The following C19orf12 variants were observed in gnomAD, a reference collection of about 807,000 sequenced individuals.
The protein encoded by C19orf12 is chromosome 19 open reading frame 12.
A neutral mutation model predicts 3.8 loss-of-function variants in C19orf12; 2 were observed. The observed-to-expected ratio is 0.53, with a 90% CI of 0.22 to 1.66. The LOEUF (loss-of-function observed/expected upper bound fraction) is 1.66, where lower values mean the gene tolerates loss of function less well. Among genes scored for constraint, C19orf12 ranks in the 40% most tolerant of loss-of-function variants. The pLI, the probability that C19orf12 is intolerant of heterozygous loss-of-function variation, is 0.20. For synonymous variants in C19orf12, 89 were observed against 84.6 expected, an observed-to-expected ratio of 1.05 and a Z score of -0.28; for missense variants, 156 against 188.8, an observed-to-expected ratio of 0.83 and a Z score of 1.02.
rs549800184 is a variant in C19orf12, at chr19:29,700,893, C to T, written c.*1819G>A. On this transcript the variant is annotated 3_prime_UTR_variant, in exon 3 of 3. Transcript: ENST00000323670. ...GGGCCTGAGAGGAGAGCCCCAAGTCCCTGCCCTGCCCCAGGACCTGGGGAC... is the reference window on the plus strand; with the variant it reads ...GGGCCTGAGAGGAGAGCCCCAAGTCTCTGCCCTGCCCCAGGACCTGGGGAC... The T allele has an allele frequency of 1.1e-5, 5 of 454,120 alleles. No individual in the cohort carries two copies. The highest frequency in any genetic ancestry group is 8.0e-5 in the African/African-American group (4 of 50,134). 28.1% of individuals were successfully genotyped at this position (454,120 alleles called of 1,614,324 possible). A position where few individuals can be genotyped will look rare whatever the true frequency, so the allele number is the denominator to read the frequency against.
chr19:29,714,841 G>T, intron 1 of C19orf12: 1 of 305,998 alleles, frequency 3.3e-6, no homozygotes. Context: ...CCACACCCAT[G>T]CCTACGCCAC....
chr19:29,712,976 ATGT>A (rs1195142671), intron 1 of C19orf12, among the ~76,000 whole-genome samples: 1 of 152,216 alleles, frequency 6.6e-6, no homozygotes, highest in Admixed American at 6.5e-5. Flanking sequence ...ACGGGTAGAG[ATGT>A]TGTGGCTGAC....
intron 2 of C19orf12, chr19:29,705,300 A>C (rs1240410957): frequency 2.2e-6 from 1 of 445,102 alleles, no homozygotes; most frequent in East Asian, 7.0e-5. Context: ...AAAACTATCA[A>C]GGCTGTGAAC....
At position 29,701,441 on chromosome 19, in the gene C19orf12, C is replaced by T. The variant is rs1447346276; in HGVS notation, c.*1271G>A. ...ATATAAATGCTATGTAAATATGCTACACCATATTGTTTAGGGAATAATGGC... is the reference window on the plus strand; with the variant it reads ...ATATAAATGCTATGTAAATATGCTATACCATATTGTTTAGGGAATAATGGC... On this transcript the variant is annotated 3_prime_UTR_variant, in exon 3 of 3. Coordinates refer to ENST00000323670, the MANE Select transcript of C19orf12 (RefSeq NM_031448.6). 2 of 454,014 alleles carry T rather than the reference C, an allele frequency of 4.4e-6. No homozygotes were observed. The highest frequency in any genetic ancestry group is 4.0e-5 in the African/African-American group (2 of 50,012). 28.1% of individuals were successfully genotyped at this position (454,014 alleles called of 1,614,324 possible). A position where few individuals can be genotyped will look rare whatever the true frequency, so the allele number is the denominator to read the frequency against.
rs1447953357 is a variant in C19orf12, at chr19:29,699,845, C to T, written c.*2867G>A. On this transcript the variant is annotated 3_prime_UTR_variant, in exon 3 of 3. Coordinates refer to ENST00000323670, the MANE Select transcript of C19orf12 (RefSeq NM_031448.6). ...TTATTCAAAAATAAATAAATTTCTACAAAGAAGATACAGATATATAAATAC... is the reference window on the plus strand; with the variant it reads ...TTATTCAAAAATAAATAAATTTCTATAAAGAAGATACAGATATATAAATAC... 2 of 450,668 alleles carry T rather than the reference C, an allele frequency of 4.4e-6. No homozygotes were observed. The highest frequency in any genetic ancestry group is 2.4e-5 in the Admixed American group (1 of 41,750). 27.9% of individuals were successfully genotyped at this position (450,668 alleles called of 1,614,324 possible).
At position 29,702,972 on chromosome 19, in the gene C19orf12, C is replaced by G; in HGVS notation, c.166G>C (p.Ala56Pro). 1.2e-6 allele frequency: 2 copies of G among 1,613,854 alleles called. No individual in the cohort carries two copies. The highest frequency in any genetic ancestry group is 2.2e-5 in the East Asian group (1 of 44,870). ...GGPPGLAVGG[A>P]VGGLLGAWMT... is the part of the protein sequence containing the mutation. ...CAGGCACCTAACAGCCCCCCGACAG[C>G]CCCCCCTAGAAAACATGGAATCGTT... Residue 56 changes from alanine to proline, a missense_variant, in exon 3 of 3, where the codon GCT becomes CCT. Ala to Pro is a conservative substitution (Grantham distance 27). Transcript: ENST00000323670.
At chr19:29,705,445 G>C (rs1972325819) in intron 2 of C19orf12, 1 of 316,138 alleles carries the variant, frequency 3.2e-6, no homozygotes, top group South Asian at 2.5e-5. Context: ...GCAGAAACTG[G>C]TGAAACCCAA....
intron 1 of C19orf12, among the ~76,000 whole-genome samples, chr19:29,710,696 T>C (rs1009177500): frequency 6.6e-5 from 10 of 152,176 alleles, no homozygotes; most frequent in African/African-American, 2.4e-4. Flanking sequence ...CACTCAGGCC[T>C]GGGGGTCCCT....
upstream of C19orf12, chr19:29,715,304 C>G (rs964086845): frequency 1.8e-5 from 7 of 393,788 alleles, no homozygotes; most frequent in Non-Finnish European, 3.5e-5. Flanking sequence ...CCGGGCCTTC[C>G]GGGAAGCCAC....
chr19:29,702,851 A>C lies in C19orf12; in HGVS notation c.287T>G (p.Ile96Ser). Residue 96 changes from isoleucine (I) to serine (S), a missense_variant, in exon 3 of 3, where the codon ATC (isoleucine) becomes AGC (serine). By Grantham distance (142) the Ile-to-Ser change is moderately radical. Transcript: ENST00000323670. ...QRLFNEAAAI[I>S]RHLEWTDAVQ... ...GGCGTCCGTCCACTCCAGGTGCCTG[A>C]TGATGGCTGCGGCTTCGTTAAAGAG... 1.2e-6 allele frequency: 2 copies of C among 1,614,144 alleles called. No individual in the cohort carries two copies. The highest frequency in any genetic ancestry group is 1.7e-6 in the Non-Finnish European group (2 of 1,180,006).
chr19:29,707,849 T>C (rs1268802388), intron 2 of C19orf12, among the ~76,000 whole-genome samples: 1 of 151,660 alleles, frequency 6.6e-6, no homozygotes, highest in East Asian at 1.9e-4. Flanking sequence ...TCTCCCTGTG[T>C]TTCTTTTCTT....
At chr19:29,703,378 C>CTTTTTTTTTT (rs1165470646) in intron 2 of C19orf12, among the ~76,000 whole-genome samples, 26 of 128,378 alleles carry the variant, frequency 2.0e-4, no homozygotes, top group African/African-American at 4.8e-4. Flanking sequence ...TTTTTCTTTT[C>CTTTTTTTTTT]TTTTTTTTTT....
intron 1 of C19orf12, 199 bp from the exon 2 acceptor site, chr19:29,708,622 C>A: frequency 3.1e-6 from 2 of 655,270 alleles, no homozygotes; most frequent in East Asian, 5.6e-5. Context: ...AGTGAATAAG[C>A]AAATAGCAGC....
In C19orf12 at chr19:29,701,580, G is replaced by A. The variant is rs1165759529; in HGVS notation, c.*1132C>T. 2.2e-6 allele frequency: 1 copy of A among 453,982 alleles called. No individual in the cohort carries two copies. The highest frequency in any genetic ancestry group is 4.4e-6 in the Non-Finnish European group (1 of 226,810). The allele number at this position is 453,982 out of a possible 1,614,324, so 28.1% of individuals were successfully genotyped here. ...AGACCACAGTTACGGAGAGCTGACT[G>A]TACTGGGGAAATCTTTAGGGTAGAA... On this transcript the variant is annotated 3_prime_UTR_variant, in exon 3 of 3. Transcript: ENST00000323670.
chr19:29,714,958 T>C (rs538251166), intron 1 of C19orf12, 167 bp downstream of exon 1: 67 of 713,722 alleles, frequency 9.4e-5, no homozygotes, highest in Middle Eastern at 6.9e-4. Flanking sequence ...GGACAATGAC[T>C]ACACTAACAG....
At chr19:29,714,147 C>A (rs1972836101) in intron 1 of C19orf12, among the ~76,000 whole-genome samples, 1 of 152,034 alleles carries the variant, frequency 6.6e-6, no homozygotes, top group South Asian at 2.1e-4. Flanking sequence ...CTCGGCCTCC[C>A]GAGTAGCTGG....
chr19:29,712,184 T>A (rs887697510), intron 1 of C19orf12, among the ~76,000 whole-genome samples: 1 of 152,030 alleles, frequency 6.6e-6, no homozygotes, highest in East Asian at 1.9e-4. Context: ...GGTGGGCAGA[T>A]CACGAGGTCA....
intron 2 of C19orf12, among the ~76,000 whole-genome samples, chr19:29,707,256 C>T (rs528850815): frequency 6.6e-6 from 1 of 152,272 alleles, no homozygotes; most frequent in South Asian, 2.1e-4. Context: ...ACTCAGGAGG[C>T]TGAGGCAGGA....
rs774345022 is a variant in C19orf12 at position 29,701,142 on chromosome 19, C to A, written c.*1570G>T. ...CTTTGAATATTAGAGATATTTTACA[C>A]ATAATATGTGGGAAAATGGCTTTTT... On this transcript the variant is annotated 3_prime_UTR_variant, in exon 3 of 3. Transcript: ENST00000323670. 1 of 454,110 alleles carries A rather than the reference C, an allele frequency of 2.2e-6. No homozygotes were observed. Among genetic ancestry groups the A allele is most frequent in the South Asian group, 1.6e-5 (1 of 64,480 alleles). The allele number at this position is 454,110 out of a possible 1,614,324, so 28.1% of individuals were successfully genotyped here.
Sources: allele counts gnomAD v4.1 joint callset (sites outside exome capture counted in the v4.1 genomes callset), GRCh38; gene constraint gnomAD v4.1.1; transcripts MANE v1.5; gene names NCBI Gene and HGNC (gene_info 2026-07-23, HGNC 2026-07-21).